The following C17orf67 variants were observed in gnomAD, a reference collection of about 807,000 sequenced individuals.
The protein encoded by C17orf67 is chromosome 17 open reading frame 67, also known as uncharacterized protein C17orf67.
A neutral mutation model predicts 11.2 loss-of-function variants in C17orf67; 12 were observed. The observed-to-expected ratio is 1.07, with a 90% CI of 0.68 to 1.73. The LOEUF is 1.73. C17orf67 is among the 40% of genes most tolerant of loss of function. The probability of loss-of-function intolerance (pLI) is 0.00; values close to 1 mark genes in which losing one functional copy is unlikely to be tolerated. For synonymous variants in C17orf67, 59 were observed against 46.9 expected, an observed-to-expected ratio of 1.26 and a Z score of -1.05; for missense variants, 115 against 113.5, an observed-to-expected ratio of 1.01 and a Z score of -0.06.
At chr17:56,830,964 C>T (rs916067944) in intron 2 of C17orf67, among the ~76,000 whole-genome samples, 2 of 152,114 alleles carry the variant, frequency 1.3e-5, no homozygotes, top group African/African-American at 4.8e-5. Context: ...GTCTGGTGGG[C>T]GTGAGGACCA....
intron 6 of C17orf67, among the ~76,000 whole-genome samples, chr17:56,803,273 A>G (rs949217412): frequency 6.6e-6 from 1 of 152,222 alleles, no homozygotes; most frequent in Admixed American, 6.5e-5. Context: ...CTGTCACCTC[A>G]AGAAAAACAA....
intron 6 of C17orf67, among the ~76,000 whole-genome samples, chr17:56,799,116 G>A (rs1266460059): frequency 6.6e-6 from 1 of 152,120 alleles, no homozygotes; most frequent in Non-Finnish European, 1.5e-5. Flanking sequence ...CCAACACTGG[G>A]GATCAAATTT....
intron 2 of C17orf67, among the ~76,000 whole-genome samples, chr17:56,831,336 C>T (rs563587209): frequency 6.6e-6 from 1 of 152,112 alleles, no homozygotes; most frequent in Non-Finnish European, 1.5e-5. Flanking sequence ...CTGTGAGCAT[C>T]TCCCTGAGGG....
chr17:56,827,038 A>G (rs1906056913), intron 2 of C17orf67, among the ~76,000 whole-genome samples: 1 of 152,246 alleles, frequency 6.6e-6, no homozygotes. Context: ...TACGTGTTTA[A>G]TAAATAACCA....
At position 56,833,646 on chromosome 17, in the gene C17orf67, T is replaced by C. The variant is rs1906327808; in HGVS notation, c.-1030A>G. On this transcript the variant is annotated 5_prime_UTR_variant, in exon 1 of 8. Transcript: ENST00000397861. ...AGCCCGCCGCGGCCAGGTCGGGCGG[T>C]GCCGCGCAGGCCGCCTCCCCCCCTC... 6.6e-6 allele frequency: 1 copy of C among 151,558 alleles called. No homozygotes were observed. The highest frequency in any genetic ancestry group is 2.1e-4 in the South Asian group (1 of 4,798). The allele number at this position is 151,558 out of a possible 1,614,324, so 9.4% of individuals were successfully genotyped here. A position where few individuals can be genotyped will look rare whatever the true frequency, so the allele number is the denominator to read the frequency against.
At chr17:56,802,020 G>A (rs559626527) in intron 6 of C17orf67, among the ~76,000 whole-genome samples, 7 of 152,162 alleles carry the variant, frequency 4.6e-5, no homozygotes, top group Admixed American at 4.6e-4. Context: ...CTGCAAGATG[G>A]GGATTGCACT....
chr17:56,808,260 A>G (rs144973045), intron 6 of C17orf67, among the ~76,000 whole-genome samples: 42 of 152,288 alleles, frequency 2.8e-4, no homozygotes, highest in African/African-American at 8.7e-4. Flanking sequence ...GACTTGTCCT[A>G]AGGTTTGGGG....
chr17:56,833,134 G>A lies in C17orf67; in HGVS notation c.-793C>T, dbSNP rs1394921608. The A allele has an allele frequency of 6.6e-6, 1 of 152,328 alleles. No individual in the cohort carries two copies. Among genetic ancestry groups the A allele is most frequent in the Non-Finnish European group, 1.5e-5 (1 of 68,112 alleles). The allele number at this position is 152,328 out of a possible 1,614,324, so 9.4% of individuals were successfully genotyped here. The stretch of plus-strand genomic sequence containing the variant: ...TATGTATGTATGTAGTAGGAAGGAA[G>A]CCGCTGAGTGCAGCTGTGCGCGCCG... On this transcript the variant is annotated 5_prime_UTR_variant, in exon 2 of 8. Transcript: ENST00000397861.
rs191162745 is a variant in C17orf67, at chr17:56,804,056, T to A, written c.157-8876A>T. On this transcript the variant is annotated intron_variant, in intron 6 of 7. Transcript: ENST00000397861. ...GAAGAAGGGGTATATGGAAAATGAG[T>A]TTTAATTTCTTCAGATTCCTTTCTC... The A allele has an allele frequency of 1.7e-4, 26 of 152,002 alleles. No individual in the cohort carries two copies. In the South Asian group the frequency reaches 3.7e-3, roughly 22 times the overall value. 9.4% of individuals were successfully genotyped at this position (152,002 alleles called of 1,614,324 possible).
At chr17:56,832,797 C>G (rs959245710) in intron 2 of C17orf67, 101 bp downstream of exon 2, 1 of 152,188 alleles carries the variant, frequency 6.6e-6, no homozygotes, top group African/African-American at 2.4e-5. Context: ...TGCTTTACCA[C>G]TTTTACTAGT....
At chr17:56,828,107 CAA>C (rs11379714) in intron 2 of C17orf67, among the ~76,000 whole-genome samples, 9 of 109,250 alleles carry the variant, frequency 8.2e-5, no homozygotes, top group Admixed American at 9.4e-5. Flanking sequence ...GACTCAGTCT[CAA>C]AAAAAAAAAA....
At chr17:56,810,185 C>T (rs1485133958) in intron 6 of C17orf67, among the ~76,000 whole-genome samples, 1 of 146,936 alleles carries the variant, frequency 6.8e-6, no homozygotes, top group Non-Finnish European at 1.5e-5. Flanking sequence ...TCCTTGAACA[C>T]ACCCTTCACA....
At chr17:56,807,488 T>C (rs1036703164) in intron 6 of C17orf67, among the ~76,000 whole-genome samples, 6 of 152,266 alleles carry the variant, frequency 3.9e-5, no homozygotes, top group African/African-American at 1.4e-4. Flanking sequence ...TGGGTCTGCA[T>C]GTCTGACGGG....
chr17:56,822,218 G>C (rs1905920758), intron 4 of C17orf67, among the ~76,000 whole-genome samples: 1 of 152,232 alleles, frequency 6.6e-6, no homozygotes, highest in South Asian at 2.1e-4. Flanking sequence ...AACTGATACA[G>C]AGGATTCTAA....
chr17:56,802,426 T>A (rs1000772261), intron 6 of C17orf67, among the ~76,000 whole-genome samples: 1 of 152,232 alleles, frequency 6.6e-6, no homozygotes, highest in African/African-American at 2.4e-5. Flanking sequence ...ATCCCTCTCC[T>A]GAAGGCCACA....
chr17:56,820,201 T>C (rs77190468), intron 4 of C17orf67, among the ~76,000 whole-genome samples: 3,664 of 152,292 alleles, frequency 0.024, 156 homozygotes, highest in African/African-American at 0.084. Context: ...ATATTTCTGG[T>C]CACAAAACAT....
chr17:56,792,515 AGTGGTGGTG>A (rs111716809), intron 7 of C17orf67, among the ~76,000 whole-genome samples, 163 bp from the exon 8 acceptor site: 15 of 73,574 alleles, frequency 2.0e-4, no homozygotes, highest in Admixed American at 6.5e-4. Context: ...TAATGATGAT[AGTGGTGGTG>A]GTGGTGGTGG....
intron 6 of C17orf67, among the ~76,000 whole-genome samples, chr17:56,811,087 G>A (rs375738629): frequency 2.2e-4 from 33 of 152,224 alleles, no homozygotes; most frequent in Middle Eastern, 3.4e-3. Flanking sequence ...CTGACTCCTC[G>A]CTTGGGTTGG....
chr17:56,809,240 G>A (rs552985671), intron 6 of C17orf67, among the ~76,000 whole-genome samples: 10 of 151,592 alleles, frequency 6.6e-5, no homozygotes, highest in Non-Finnish European at 2.9e-5. Flanking sequence ...ACCTCTAAAG[G>A]GCCCCTGGAA....
Sources: gnomAD v4.1 joint callset for allele counts (sites outside exome capture counted in the v4.1 genomes callset) on GRCh38, gnomAD v4.1.1 for gene constraint, MANE v1.5 for transcripts, NCBI Gene and HGNC (gene_info 2026-07-23, HGNC 2026-07-21) for gene names.